The following MYO1A variants were observed in gnomAD, a reference collection of about 807,000 sequenced individuals.
The protein encoded by MYO1A is myosin IA, also known as unconventional myosin-Ia.
In MYO1A, 127 loss-of-function variants were observed where a neutral mutation model predicts 138.5. The ratio of observed to expected loss-of-function variants is 0.92; its 90% CI spans 0.79 to 1.06. MYO1A has a LOEUF of 1.06. Ranked by LOEUF, MYO1A falls within the 50% of genes least tolerant of loss-of-function variation. MYO1A has a pLI of 0.00. For missense variants in MYO1A, 1,211 were observed against 1,288.8 expected, an observed-to-expected ratio of 0.94 and a Z score of 0.92; for synonymous variants, 477 against 497.5, an observed-to-expected ratio of 0.96 and a Z score of 0.55.
intron 22 of MYO1A, among the ~76,000 whole-genome samples, chr12:57,035,946 G>A (rs1592472995): frequency 6.6e-6 from 1 of 152,332 alleles, no homozygotes; most frequent in East Asian, 1.9e-4. Context: ...TAGTTAATGT[G>A]TGGATCACTC....
At position 57,038,896 on chromosome 12, in the gene MYO1A, G is replaced by A. The variant is rs532029666; in HGVS notation, c.1446C>T (p.Tyr482=). ...GGGCATTCTGGGTGACTTTGCTCTC[G>A]TAGTGGCCATGCTTGGAGAAGAGCT... ...LNQLFSKHGH[Y]ESKVTQNAQR... is the part of the protein sequence containing the mutation. Residue 482 remains tyrosine, a synonymous_variant, in exon 16 of 28, where the codon TAC becomes TAT. Coordinates refer to ENST00000300119, the MANE Select transcript of MYO1A (RefSeq NM_005379.4). 44 of 1,614,046 alleles carry A rather than the reference G, an allele frequency of 2.7e-5. 1 individual carries two copies. The highest frequency in any genetic ancestry group is 1.6e-4 in the Middle Eastern group (1 of 6,084).
Position 57,047,100 on chromosome 12 carries a change from G to C in MYO1A, c.438C>G (p.Gly146=). 6.2e-7 allele frequency: 1 copy of C among 1,614,108 alleles called. No homozygotes were observed. Among genetic ancestry groups the C allele is most frequent in the South Asian group, 1.1e-5 (1 of 91,070 alleles). The part of the protein sequence containing the change: ...LQSNPVLEAF[G]NAKTIRNNNS... ...TGTTGTTGCGAATGGTCTTGGCATT[G>C]CCAAAAGCTACAGAGATGAGGAGGG... is the stretch of plus-strand genomic sequence containing the variant. Residue 146 remains glycine, a synonymous_variant, in exon 6 of 28, where the codon GGC becomes GGG. Coordinates refer to ENST00000300119, the MANE Select transcript of MYO1A (RefSeq NM_005379.4).
chr12:57,037,971 A>T lies in MYO1A; in HGVS notation c.1859T>A (p.Val620Glu), dbSNP rs1325729859. The T allele has an allele frequency of 6.2e-7, 1 of 1,613,978 alleles. No individual in the cohort carries two copies. The highest frequency in any genetic ancestry group is 2.2e-5 in the East Asian group (1 of 44,884). The part of the protein sequence containing the change: ...RYLGLLENVR[V>E]RRAGYAHRQG... ...GCGGTGGGCATAGCCTGCCCGTCGC[A>T]CCCGTACGTTCTCCAGCAGTCCCAG... Residue 620 changes from valine (V) to glutamate (E), a missense_variant, in exon 18 of 28, where the codon GTG becomes GAG. Physicochemically the swap from Val to Glu is moderately radical, Grantham distance 121. Coordinates refer to ENST00000300119, the MANE Select transcript of MYO1A (RefSeq NM_005379.4).
Position 57,030,960 on chromosome 12 carries a change from A to G in MYO1A, c.2484+80T>C, listed in dbSNP as rs138788388. 2.7e-4 allele frequency: 412 copies of G among 1,553,326 alleles called. 3 individuals carry two copies. In the African/African-American group the frequency reaches 4.8e-3, roughly 18 times the overall value. On this transcript the variant is annotated intron_variant, in intron 23 of 27. Coordinates refer to ENST00000300119, the MANE Select transcript of MYO1A (RefSeq NM_005379.4). ...AATTTTTTTAATGGGAAAAAAATAG[A>G]AGAGGGAGGCAAAAGAGGAAAATCA... is the stretch of plus-strand genomic sequence containing the variant.
intron 21 of MYO1A, 30 bp downstream of exon 21, chr12:57,036,742 T>C (rs1409329826): frequency 6.2e-7 from 1 of 1,611,068 alleles, no homozygotes; most frequent in African/African-American, 1.3e-5. Context: ...AGAAACAATG[T>C]GAGGAAACCT....
rs760747102 is a variant in MYO1A, at chr12:57,048,475, C to G, written c.-20-132G>C. 292 of 686,426 alleles carry G rather than the reference C, an allele frequency of 4.3e-4. No homozygotes were observed. The Middle Eastern group carries it at 7.8e-3, about 18-fold the overall frequency. The allele number at this position is 686,426 out of a possible 1,614,324, so 42.5% of individuals were successfully genotyped here. Reference sequence around the variant, plus strand: ...CCCTGGCCCTAAAGAGAGCCCCCAACCTAGGAGAGGCCTCTGGACCAGCCC... The same window carrying G: ...CCCTGGCCCTAAAGAGAGCCCCCAAGCTAGGAGAGGCCTCTGGACCAGCCC... On this transcript the variant is annotated intron_variant, in intron 1 of 27. Transcript: ENST00000300119.
chr12:57,034,884 T>C (rs1178183685), intron 22 of MYO1A, among the ~76,000 whole-genome samples: 2 of 152,136 alleles, frequency 1.3e-5, no homozygotes, highest in African/African-American at 4.8e-5. Flanking sequence ...GATAATCACT[T>C]GAACCTGGGA....
intron 22 of MYO1A, among the ~76,000 whole-genome samples, chr12:57,033,948 C>T (rs146599183): frequency 0.019 from 2,877 of 152,340 alleles, 99 homozygotes; most frequent in African/African-American, 0.065. Flanking sequence ...CTGGAGTCCC[C>T]AGTCCCTAGT....
At chr12:57,032,613 G>T (rs1417545209) in intron 22 of MYO1A, among the ~76,000 whole-genome samples, 1 of 152,158 alleles carries the variant, frequency 6.6e-6, no homozygotes, top group East Asian at 1.9e-4. Context: ...AACCCGGGAG[G>T]TGGAGGTTGC....
In MYO1A at chr12:57,038,489, C is replaced by CG. The variant is rs746990682; in HGVS notation, c.1682dup (p.Thr562AspfsTer32). 11 of 1,614,046 alleles carry CG rather than the reference C, an allele frequency of 6.8e-6. No homozygotes were observed. Among genetic ancestry groups the CG allele is most frequent in the Non-Finnish European group, 9.3e-6 (11 of 1,180,044 alleles). Reference sequence around the variant, plus strand: ...AACTCTTGAACTGGGCCCCAGCAGTCGGGGGGCGTTTGAGAGATGCCTGCT... The same window carrying CG: ...AACTCTTGAACTGGGCCCCAGCAGTCGGGGGGGCGTTTGAGAGATGCCTGCT... On this transcript the variant is annotated frameshift_variant, in exon 17 of 28. Coordinates refer to ENST00000300119, the MANE Select transcript of MYO1A (RefSeq NM_005379.4). LOFTEE classifies it high-confidence loss of function.
In MYO1A at chr12:57,045,343, A is replaced by C. The variant is rs1483322012; in HGVS notation, c.641-1134T>G. Among the ~76,000 whole-genome samples, 3 of 152,272 alleles carry C rather than the reference A, an allele frequency of 2.0e-5. No homozygotes were observed. The East Asian group carries it at 5.8e-4, about 29-fold the overall frequency. ...ATCTGAGAATCAGGGAGTATCCCTC[A>C]AACTATAGTCTAATGGCAGCTCCCC... On this transcript the variant is annotated intron_variant, in intron 8 of 27. Transcript: ENST00000300119.
upstream of MYO1A, chr12:57,050,958 A>C (rs1216981306): frequency 1.3e-5 from 2 of 152,354 alleles, no homozygotes; most frequent in Admixed American, 6.5e-5. Flanking sequence ...TGAAGTTTCT[A>C]ATTTTAATTC....
rs749119255 is a variant in MYO1A at position 57,047,368 on chromosome 12, C to CA, written c.364dup (p.Cys122LeufsTer18). The CA allele has an allele frequency of 6.2e-7, 1 of 1,614,174 alleles. No individual in the cohort carries two copies. The highest frequency in any genetic ancestry group is 8.5e-7 in the Non-Finnish European group (1 of 1,180,032). On this transcript the variant is annotated frameshift_variant, in exon 5 of 28. Transcript: ENST00000300119. LOFTEE classifies it high-confidence loss of function. Reference sequence around the variant, plus strand: ...AGAGTTCACCTGCTCTCCTTTCCCACAGACGGCAGCCACATAAGACATCAC... The same window carrying CA: ...AGAGTTCACCTGCTCTCCTTTCCCACAAGACGGCAGCCACATAAGACATCAC...
At position 57,028,776 on chromosome 12, in the gene MYO1A, G is replaced by GTAAT. The variant is rs2030102048; in HGVS notation, c.3110_3111insATTA (p.Cys1037Ter). On this transcript the variant is annotated stop_gained and frameshift_variant, in exon 28 of 28. Transcript: ENST00000300119. LOFTEE classifies it high-confidence loss of function. ...CTCCTCACTGCACAGTCACCTCCAA[G>GTAAT]CAATGACTCCCCTTTTTTTTGTAGC... The GTAAT allele has an allele frequency of 6.2e-7, 1 of 1,614,084 alleles. No homozygotes were observed.
chr12:57,047,317 T>C lies in MYO1A; in HGVS notation c.416A>G (p.Asn139Ser). The change falls in exon 5 of 28, where the codon AAC becomes AGC. Residue 139 changes from asparagine to serine, a missense_variant. Transcript: ENST00000300119. The stretch of plus-strand genomic sequence containing the variant: ...AGAATTCTCACCCTCCAGCACTGGG[T>C]TAGACTGTAGCAGCTGCTCCTTCAC... ...NSVKEQLLQS[N>S]PVLEAFGNAK... 1 of 1,613,960 alleles carries C rather than the reference T, an allele frequency of 6.2e-7. No homozygotes were observed. Among genetic ancestry groups the C allele is most frequent in the Admixed American group, 1.7e-5 (1 of 60,006 alleles).
chr12:57,038,124 T>G, intron 17 of MYO1A, 55 bp from the exon 18 acceptor site: 1 of 1,577,646 alleles, frequency 6.3e-7, no homozygotes, highest in Non-Finnish European at 8.7e-7. Flanking sequence ...ATTGCCAGTG[T>G]AACCCATCAT....
rs1474624304 is a variant in MYO1A at position 57,030,242 on chromosome 12, C to T, written c.2559G>A (p.Leu853=). 2 of 1,614,090 alleles carry T rather than the reference C, an allele frequency of 1.2e-6. No homozygotes were observed. Among genetic ancestry groups the T allele is most frequent in the Non-Finnish European group, 1.7e-6 (2 of 1,180,044 alleles). ...ILREKLCASE[L]FKGKKASYPQ... ...GATATGAAGCCTTCTTGCCCTTGAA[C>T]AGTTCACTGGCACAGAGCTTTTCCC... The change falls in exon 24 of 28, where the codon CTG becomes CTA. Residue 853 remains leucine, a synonymous_variant. Transcript: ENST00000300119.
At position 57,048,319 on chromosome 12, in the gene MYO1A, G is replaced by A. The variant is rs759883876; in HGVS notation, c.5C>T (p.Pro2Leu). The change falls in exon 2 of 28, where the codon CCT (proline) becomes CTT (leucine). Residue 2 changes from proline (P) to leucine (L), a missense_variant. Coordinates refer to ENST00000300119, the MANE Select transcript of MYO1A (RefSeq NM_005379.4). MPLLEGSVGVED... is the reference protein window; with the variant it reads MLLLEGSVGVED... ...CACCCCCACAGAACCTTCCAGGAGAGGCATGTCCAGAGGGGCCACTGATCC... is the reference window on the plus strand; with the variant it reads ...CACCCCCACAGAACCTTCCAGGAGAAGCATGTCCAGAGGGGCCACTGATCC... The A allele has an allele frequency of 6.2e-7, 1 of 1,612,760 alleles. No individual in the cohort carries two copies. Among genetic ancestry groups the A allele is most frequent in the South Asian group, 1.1e-5 (1 of 91,044 alleles).
chr12:57,042,870 A>G (rs2030918017), intron 12 of MYO1A, among the ~76,000 whole-genome samples: 1 of 152,210 alleles, frequency 6.6e-6, no homozygotes, highest in South Asian at 2.1e-4. Flanking sequence ...ATGACTTTGA[A>G]TTAAGTAAGT....
Sources: gnomAD v4.1 joint callset for allele counts (sites outside exome capture counted in the v4.1 genomes callset) on GRCh38, gnomAD v4.1.1 for gene constraint, MANE v1.5 for transcripts, NCBI Gene and HGNC (gene_info 2026-07-23, HGNC 2026-07-21) for gene names.